Variants in FGF10 observed in about 807,000 individuals in gnomAD.
The protein encoded by FGF10 is fibroblast growth factor 10.
A neutral mutation model predicts 19.8 loss-of-function variants in FGF10; 2 were observed. The observed-to-expected ratio is 0.10, with a 90% CI of 0.04 to 0.32. The LOEUF is 0.32. Ranked by LOEUF, FGF10 falls within the 10% of genes least tolerant of loss-of-function variation. The pLI is 1.00. For synonymous variants in FGF10, 112 were observed against 94.0 expected (o/e 1.19, Z -1.10); for missense variants, 191 against 246.3 (o/e 0.78, Z 1.50).
intron 1 of FGF10, among the ~76,000 whole-genome samples, chr5:44,376,940 G>T (rs1276518778): frequency 6.6e-6 from 1 of 151,054 alleles, no homozygotes; most frequent in African/African-American, 2.4e-5. Flanking sequence ...GTAATATTTT[G>T]CCAGAAAGTT....
Position 44,388,833 on chromosome 5 carries a change from C to T in FGF10, c.-151G>A. On this transcript the variant is annotated 5_prime_UTR_variant, in exon 1 of 3. It removes an upstream start codon present in the reference 5' UTR. Coordinates refer to ENST00000264664, the MANE Select transcript of FGF10 (RefSeq NM_004465.2). ...ATCTGGCCAGAAGTGAATGCACCAACATCCATAACTCCTCGGAAAAGCCGG... is the reference window on the plus strand; with the variant it reads ...ATCTGGCCAGAAGTGAATGCACCAATATCCATAACTCCTCGGAAAAGCCGG... 1 of 763,728 alleles carries T rather than the reference C, an allele frequency of 1.3e-6. No individual in the cohort carries two copies. Among genetic ancestry groups the T allele is most frequent in the Non-Finnish European group, 2.3e-6 (1 of 433,838 alleles). The allele number at this position is 763,728 out of a possible 1,614,324, so 47.3% of individuals were successfully genotyped here.
At chr5:44,349,459 TATATATATATCAGA>T (rs549959537) in intron 1 of FGF10, among the ~76,000 whole-genome samples, 1,510 of 30,980 alleles carry the variant, frequency 0.049, 82 homozygotes, top group African/African-American at 0.056. Context: ...TATATATATA[TATATATATATCAGA>T]ATATATATAT....
At chr5:44,334,159 T>C (rs1189935618) in intron 1 of FGF10, among the ~76,000 whole-genome samples, 1 of 152,118 alleles carries the variant, frequency 6.6e-6, no homozygotes, top group African/African-American at 2.4e-5. Flanking sequence ...ATCAGTTACT[T>C]GTCTTGAAAC....
chr5:44,301,695 A>G lies in FGF10; in HGVS notation c.*3300T>C, dbSNP rs1245783763. Among the ~76,000 whole-genome samples the G allele has an allele frequency of 6.6e-6, 1 of 152,188 alleles. No homozygotes were observed. The highest frequency in any genetic ancestry group is 1.5e-5 in the Non-Finnish European group (1 of 68,018). On this transcript the variant is annotated 3_prime_UTR_variant, in exon 3 of 3. Coordinates refer to ENST00000264664, the MANE Select transcript of FGF10 (RefSeq NM_004465.2). ...AAGATAGCTAACTCACACATGTGAA[A>G]CATTAGAGAAAACTTACAAATGTTT...
intron 1 of FGF10, among the ~76,000 whole-genome samples, chr5:44,315,222 G>A (rs1740310296): frequency 6.6e-6 from 1 of 151,708 alleles, no homozygotes; most frequent in Non-Finnish European, 1.5e-5. Context: ...TATTAAGTGT[G>A]GTATGAGAGA....
chr5:44,378,899 C>T (rs915135066), intron 1 of FGF10, among the ~76,000 whole-genome samples: 1 of 152,038 alleles, frequency 6.6e-6, no homozygotes, highest in African/African-American at 2.4e-5. Context: ...ATATAGTATC[C>T]TTTTGATTAA....
At chr5:44,383,245 T>C (rs1742023042) in intron 1 of FGF10, among the ~76,000 whole-genome samples, 1 of 151,948 alleles carries the variant, frequency 6.6e-6, no homozygotes, top group Admixed American at 6.6e-5. Context: ...ATTTAAAGTG[T>C]TCATTCATGT....
At chr5:44,388,224 A>T (rs952036313) in intron 1 of FGF10, 134 bp downstream of exon 1, 2 of 853,176 alleles carry the variant, frequency 2.3e-6, no homozygotes, top group Admixed American at 1.9e-5. Flanking sequence ...TTAGTGTGAA[A>T]GTATTCCACT....
chr5:44,386,689 G>A (rs912778186), intron 1 of FGF10, among the ~76,000 whole-genome samples: 1 of 151,996 alleles, frequency 6.6e-6, no homozygotes, highest in African/African-American at 2.4e-5. Flanking sequence ...CAGATAATGT[G>A]GTACTTAATA....
chr5:44,376,170 TC>T (rs1443276260), intron 1 of FGF10, among the ~76,000 whole-genome samples: 2 of 151,972 alleles, frequency 1.3e-5, no homozygotes, highest in African/African-American at 4.8e-5. Flanking sequence ...AATTTATGAC[TC>T]ATTCTTCCAA....
intron 2 of FGF10, among the ~76,000 whole-genome samples, chr5:44,307,446 A>G (rs974795011): frequency 1.3e-5 from 2 of 152,180 alleles, no homozygotes; most frequent in Non-Finnish European, 2.9e-5. Flanking sequence ...ATTCAGTTTT[A>G]TACTTTATTT....
At chr5:44,338,327 A>G (rs1403596698) in intron 1 of FGF10, among the ~76,000 whole-genome samples, 1 of 152,204 alleles carries the variant, frequency 6.6e-6, no homozygotes, top group African/African-American at 2.4e-5. Flanking sequence ...TACAACCAAT[A>G]TTTAGTACTT....
At chr5:44,357,348 G>A (rs1163374192) in intron 1 of FGF10, among the ~76,000 whole-genome samples, 1 of 151,378 alleles carries the variant, frequency 6.6e-6, no homozygotes, top group Admixed American at 6.6e-5. Context: ...AAGTTATCTT[G>A]TAGTTTTGTC....
intron 1 of FGF10, among the ~76,000 whole-genome samples, chr5:44,311,705 ATTC>A (rs1740214275): frequency 6.6e-6 from 1 of 152,144 alleles, no homozygotes; most frequent in African/African-American, 2.4e-5. Flanking sequence ...GATTTTGGAA[ATTC>A]TTCAATGGGC....
intron 2 of FGF10, among the ~76,000 whole-genome samples, chr5:44,308,014 G>C (rs183095033): frequency 6.6e-6 from 1 of 152,302 alleles, no homozygotes; most frequent in South Asian, 2.1e-4. Flanking sequence ...AACAAATAGT[G>C]GGGGACAAGA....
chr5:44,383,109 T>TGGGA (rs936801421), intron 1 of FGF10, among the ~76,000 whole-genome samples: 12 of 151,930 alleles, frequency 7.9e-5, no homozygotes, highest in Non-Finnish European at 1.6e-4. Flanking sequence ...AGCTCATAAA[T>TGGGA]GGGAGGAACA....
chr5:44,316,669 G>C (rs1740358683), intron 1 of FGF10, among the ~76,000 whole-genome samples: 1 of 152,164 alleles, frequency 6.6e-6, no homozygotes, highest in African/African-American at 2.4e-5. Flanking sequence ...ATACACACAA[G>C]TAATAGCGGC....
intron 1 of FGF10, among the ~76,000 whole-genome samples, chr5:44,319,306 C>T (rs1417095816): frequency 6.6e-6 from 1 of 152,118 alleles, no homozygotes; most frequent in Non-Finnish European, 1.5e-5. Flanking sequence ...TAGACATTTA[C>T]CCTAAAGACA....
chr5:44,361,771 T>A lies in FGF10; in HGVS notation c.325+26587A>T, dbSNP rs139883278. ...CATTTGCTATTTTCTGTAAGTTTGC[T>A]TGAAAATTTTCCCTGATTTTGGTTT... On this transcript the variant is annotated intron_variant, in intron 1 of 2. Coordinates refer to ENST00000264664, the MANE Select transcript of FGF10 (RefSeq NM_004465.2). 2.0e-5 allele frequency among the ~76,000 whole-genome samples: 3 copies of A among 151,838 alleles called. No individual in the cohort carries two copies. In the East Asian group the frequency reaches 5.9e-4, roughly 30 times the overall value.
Sources: allele counts gnomAD v4.1 joint callset (sites outside exome capture counted in the v4.1 genomes callset), GRCh38; gene constraint gnomAD v4.1.1; transcripts MANE v1.5; gene names NCBI Gene and HGNC (gene_info 2026-07-23, HGNC 2026-07-21).